The following AUTS2 variants were observed in gnomAD, a reference collection of about 807,000 sequenced individuals.
AUTS2 encodes autism susceptibility gene 2 protein.
AUTS2 carries 17 observed loss-of-function variants against 112.4 expected under a neutral mutation model. That is an observed-to-expected ratio of 0.15 (90% CI 0.10 to 0.23). The LOEUF is 0.23. Among genes scored for constraint, AUTS2 ranks in the 10% least tolerant of loss-of-function variants. The pLI is 1.00. For synonymous variants in AUTS2, 751 were observed against 702.7 expected (o/e 1.07, Z -1.09); for missense variants, 1,510 against 1,701.6 (o/e 0.89, Z 1.98).
At chr7:70,497,680 T>C (rs1798609553) in intron 5 of AUTS2, among the ~76,000 whole-genome samples, 2 of 152,148 alleles carry the variant, frequency 1.3e-5, no homozygotes, top group African/African-American at 4.8e-5. Context: ...GGGACAGAAG[T>C]TTGCGTTACC....
Position 70,543,334 on chromosome 7 carries a change from T to A in AUTS2, c.690+107553T>A, listed in dbSNP as rs147303933. Among the ~76,000 whole-genome samples the A allele has an allele frequency of 9.9e-3, 1,509 of 152,088 alleles. 17 individuals carry two copies. Among genetic ancestry groups the A allele is most frequent in the African/African-American group, 0.035 (1,445 of 41,458 alleles). The stretch of plus-strand genomic sequence containing the variant: ...CTGACCAAGATGGTGAAACCTCGTC[T>A]CTACTAAAAATACAAAAATTAGCCA... On this transcript the variant is annotated intron_variant, in intron 5 of 18. Coordinates refer to ENST00000342771, the MANE Select transcript of AUTS2 (RefSeq NM_015570.4).
At position 69,979,686 on chromosome 7, in the gene AUTS2, A is replaced by G. The variant is rs184152550; in HGVS notation, c.522+80188A>G. On this transcript the variant is annotated intron_variant, in intron 2 of 18. Coordinates refer to ENST00000342771, the MANE Select transcript of AUTS2 (RefSeq NM_015570.4). The stretch of plus-strand genomic sequence containing the variant: ...AGCCACTTGATATGGAAGAGTATGC[A>G]GTGCATCAAATGTGACTTTCATTAA... Among the ~76,000 whole-genome samples the G allele has an allele frequency of 1.1e-4, 16 of 152,334 alleles. No individual in the cohort carries two copies. In the East Asian group the frequency reaches 2.9e-3, roughly 28 times the overall value.
chr7:69,986,300 G>T (rs1798513347), intron 2 of AUTS2, among the ~76,000 whole-genome samples: 3 of 152,190 alleles, frequency 2.0e-5, no homozygotes, highest in Non-Finnish European at 2.9e-5. Flanking sequence ...AATATTTGTT[G>T]AATGAATGCT....
At chr7:70,183,835 T>TTC (rs1011540934) in intron 4 of AUTS2, among the ~76,000 whole-genome samples, 11 of 117,146 alleles carry the variant, frequency 9.4e-5, no homozygotes, top group Non-Finnish European at 1.2e-4. Flanking sequence ...GTCTTTTTCT[T>TTC]TTTTTTTTTT....
chr7:69,958,747 C>T (rs531786614), intron 2 of AUTS2, among the ~76,000 whole-genome samples: 3 of 152,286 alleles, frequency 2.0e-5, no homozygotes, highest in East Asian at 1.9e-4. Flanking sequence ...TAGGCTCCAC[C>T]TCCAAGGTGT....
intron 5 of AUTS2, among the ~76,000 whole-genome samples, chr7:70,452,714 T>C (rs1562964593): frequency 6.6e-6 from 1 of 152,086 alleles, no homozygotes; most frequent in East Asian, 1.9e-4. Context: ...ATGTCATCAG[T>C]CTGAAATTTA....
chr7:70,377,543 G>A (rs1027190029), intron 4 of AUTS2, among the ~76,000 whole-genome samples: 5 of 149,530 alleles, frequency 3.3e-5, no homozygotes, highest in Non-Finnish European at 5.9e-5. Flanking sequence ...AAATACATTC[G>A]CATTGTCGTA....
At chr7:69,661,857 T>G (rs886706213) in intron 1 of AUTS2, among the ~76,000 whole-genome samples, 2 of 152,212 alleles carry the variant, frequency 1.3e-5, no homozygotes, top group Non-Finnish European at 2.9e-5. Flanking sequence ...ATTTATCACC[T>G]GAAATGGTGC....
chr7:70,333,696 C>CT (rs1156240056), intron 4 of AUTS2, among the ~76,000 whole-genome samples: 2 of 152,142 alleles, frequency 1.3e-5, no homozygotes, highest in Admixed American at 1.3e-4. Context: ...TCTCAGCAAA[C>CT]TAACACAAGA....
intron 4 of AUTS2, among the ~76,000 whole-genome samples, chr7:70,376,702 T>C (rs1168981459): frequency 6.7e-6 from 1 of 150,266 alleles, no homozygotes; most frequent in African/African-American, 2.5e-5. Context: ...CTAATTAACC[T>C]GTTCATTTAG....
chr7:70,125,179 G>A (rs1240546608), intron 3 of AUTS2, among the ~76,000 whole-genome samples: 1 of 151,478 alleles, frequency 6.6e-6, no homozygotes, highest in East Asian at 1.9e-4. Flanking sequence ...TTTCCTTGTT[G>A]GGTACTGGGT....
chr7:70,027,200 A>G (rs985228444), intron 2 of AUTS2, among the ~76,000 whole-genome samples: 7 of 152,112 alleles, frequency 4.6e-5, no homozygotes, highest in Non-Finnish European at 8.8e-5. Flanking sequence ...ACCCCATGAT[A>G]AGTCTAGGAG....
At chr7:69,601,127 C>T (rs568461155) in intron 1 of AUTS2, among the ~76,000 whole-genome samples, 1 of 151,972 alleles carries the variant, frequency 6.6e-6, no homozygotes, top group African/African-American at 2.4e-5. Context: ...ACCTCCCTGT[C>T]CCCACCCCCC....
chr7:70,191,762 T>A (rs951538718), intron 4 of AUTS2, among the ~76,000 whole-genome samples: 2 of 151,998 alleles, frequency 1.3e-5, no homozygotes, highest in African/African-American at 4.8e-5. Flanking sequence ...TAGTTTTGTA[T>A]AAGAAAAGAC....
chr7:70,654,309 C>T (rs1806657449), intron 5 of AUTS2, among the ~76,000 whole-genome samples: 1 of 152,236 alleles, frequency 6.6e-6, no homozygotes, highest in Non-Finnish European at 1.5e-5. Context: ...GAGGGCCATA[C>T]AGTCTCTGTA....
At chr7:70,487,266 A>AACACTG (rs1284145108) in intron 5 of AUTS2, among the ~76,000 whole-genome samples, 3 of 151,992 alleles carry the variant, frequency 2.0e-5, no homozygotes, top group African/African-American at 7.2e-5. Flanking sequence ...AGTGTGCTCC[A>AACACTG]ACACTGGCGA....
chr7:70,718,923 C>T (rs2129551005), intron 6 of AUTS2, among the ~76,000 whole-genome samples: 1 of 152,252 alleles, frequency 6.6e-6, no homozygotes, highest in East Asian at 1.9e-4. Context: ...GGACAACAGG[C>T]CTCACCCTGG....
In AUTS2 at chr7:69,762,293, C is replaced by CT. The variant is rs534032498; in HGVS notation, c.310-136962dup. ...TTCCCAAACATTTTAGCCAAGTTGTCTTTTTTTTTTTTTTTTTTTTTTTTT... is the reference window on the plus strand; with the variant it reads ...TTCCCAAACATTTTAGCCAAGTTGTCTTTTTTTTTTTTTTTTTTTTTTTTTT... On this transcript the variant is annotated intron_variant, in intron 1 of 18. Transcript: ENST00000342771. Among the ~76,000 whole-genome samples the CT allele has an allele frequency of 8.7e-3, 535 of 61,580 alleles. 96 individuals carry two copies. Among genetic ancestry groups the CT allele is most frequent in the African/African-American group, 0.01 (160 of 15,402 alleles). 40.4% of individuals were successfully genotyped at this position (61,580 alleles called of 152,430 possible).
At chr7:70,512,558 G>A (rs566291071) in intron 5 of AUTS2, among the ~76,000 whole-genome samples, 88 of 152,158 alleles carry the variant, frequency 5.8e-4, no homozygotes, top group African/African-American at 2.1e-3. Context: ...GGAAAACATC[G>A]AAACATCCAT....
Sources: allele counts gnomAD v4.1 joint callset (sites outside exome capture counted in the v4.1 genomes callset), GRCh38; gene constraint gnomAD v4.1.1; transcripts MANE v1.5; gene names NCBI Gene and HGNC (gene_info 2026-07-23, HGNC 2026-07-21).